TMEM158: variants seen among roughly 807,000 people sequenced by gnomAD.
TMEM158 encodes the protein transmembrane protein 158.
TMEM158 carries 7 observed loss-of-function variants against 12.0 expected under a neutral mutation model. The observed-to-expected ratio is 0.59, with a 90% CI of 0.33 to 1.10. The LOEUF is 1.10. TMEM158 is among the 50% of genes least tolerant of loss of function. The pLI is 0.03. For synonymous variants in TMEM158, 209 were observed against 231.1 expected, an observed-to-expected ratio of 0.90 and a Z score of 0.87; for missense variants, 405 against 454.7, an observed-to-expected ratio of 0.89 and a Z score of 0.99.
At position 45,225,613 on chromosome 3, in the gene TMEM158, C is replaced by G; in HGVS notation, c.415G>C (p.Asp139His). 1 of 1,375,274 alleles carries G rather than the reference C, an allele frequency of 7.3e-7. No individual in the cohort carries two copies. Among genetic ancestry groups the G allele is most frequent in the Non-Finnish European group, 9.4e-7 (1 of 1,060,098 alleles). The allele number at this position is 1,375,274 out of a possible 1,614,324, so 85.2% of individuals were successfully genotyped here. Residue 139 changes from aspartate to histidine, a missense_variant, in exon 1 of 1, where the codon GAC (aspartate) becomes CAC (histidine). Physicochemically the swap from Asp to His is moderately conservative, Grantham distance 81. Coordinates refer to ENST00000503771, the MANE Select transcript of TMEM158 (RefSeq NM_015444.3). The surrounding 1 kb of genome is among the most constrained non-coding windows in gnomAD (Gnocchi z 5.7). ...LGLAAGGAQQ[D>H]LRLCVGCGWV... ...CCGCAGCCCACGCAGAGGCGCAGGTCCTGCTGCGCGCCGCCCGCCGCCAGC... is the reference window on the plus strand; with the variant it reads ...CCGCAGCCCACGCAGAGGCGCAGGTGCTGCTGCGCGCCGCCCGCCGCCAGC...
chr3:45,225,744 C>A lies in TMEM158; in HGVS notation c.284G>T (p.Gly95Val). 1 of 1,449,450 alleles carries A rather than the reference C, an allele frequency of 6.9e-7. No homozygotes were observed. The allele number at this position is 1,449,450 out of a possible 1,614,324, so 89.8% of individuals were successfully genotyped here. ...GAAGAGCAGTAGGTCGCACTGGAAG[C>A]CCCGCGGGCGGCCCCAGCGCACGAG... ...SLLVRWGRPR[G>V]FQCDLLLFST... The change falls in exon 1 of 1, where the codon GGC (glycine) becomes GTC (valine). Residue 95 changes from glycine (G) to valine (V), a missense_variant. Physicochemically the swap from Gly to Val is moderately radical, Grantham distance 109 (BLOSUM62 -3). Coordinates refer to ENST00000503771, the MANE Select transcript of TMEM158 (RefSeq NM_015444.3). This position sits in a 1 kb window ranked among gnomAD's most constrained non-coding sequence, Gnocchi z 5.7.
chr3:45,224,879 A>C lies in TMEM158; in HGVS notation c.*246T>G. ...GATGCAATAGAGGGGAAAGGGCCCC[A>C]TTTCCCTCCTCTCCGTCTTCGGAGC... On this transcript the variant is annotated 3_prime_UTR_variant, in exon 1 of 1. Coordinates refer to ENST00000503771, the MANE Select transcript of TMEM158 (RefSeq NM_015444.3). The C allele has an allele frequency of 1.8e-6, 1 of 551,634 alleles. No individual in the cohort carries two copies. The highest frequency in any genetic ancestry group is 2.6e-6 in the Non-Finnish European group (1 of 384,382). 34.2% of individuals were successfully genotyped at this position (551,634 alleles called of 1,614,324 possible).
Position 45,226,207 on chromosome 3 carries a change from C to T in TMEM158, c.-180G>A. The stretch of plus-strand genomic sequence containing the variant: ...GGCGGTGACGGCGGCTGGCTCGGCG[C>T]GGGGATCCCTCCAGACCCGGTTGCG... On this transcript the variant is annotated 5_prime_UTR_variant, in exon 1 of 1. Transcript: ENST00000503771. 4 of 813,126 alleles carry T rather than the reference C, an allele frequency of 4.9e-6. No individual in the cohort carries two copies. Among genetic ancestry groups the T allele is most frequent in the Non-Finnish European group, 5.9e-6 (4 of 674,122 alleles). The allele number at this position is 813,126 out of a possible 1,614,324, so 50.4% of individuals were successfully genotyped here.
In TMEM158 at chr3:45,225,637, GC is replaced by G; in HGVS notation, c.390del (p.Leu131TrpfsTer70). 1.4e-6 allele frequency: 2 copies of G among 1,421,112 alleles called. No homozygotes were observed. Among genetic ancestry groups the G allele is most frequent in the Admixed American group, 2.6e-5 (1 of 39,184 alleles). The allele number at this position is 1,421,112 out of a possible 1,614,324, so 88.0% of individuals were successfully genotyped here. ...VGPPLLIEHL[G>X]LAAGGAQQDL... ...TCCTGCTGCGCGCCGCCCGCCGCCA[GC>G]CCCAGGTGCTCGATGAGCAGCGGCG... On this transcript the variant is annotated frameshift_variant, in exon 1 of 1. Coordinates refer to ENST00000503771, the MANE Select transcript of TMEM158 (RefSeq NM_015444.3). LOFTEE classifies it high-confidence loss of function. The surrounding 1 kb of genome is among the most constrained non-coding windows in gnomAD (Gnocchi z 5.7).
chr3:45,224,861 T>C lies in TMEM158; in HGVS notation c.*264A>G. ...GAAGGAGTCGGGCAGGGGGATGCAA[T>C]AGAGGGGAAAGGGCCCCATTTCCCT... On this transcript the variant is annotated 3_prime_UTR_variant, in exon 1 of 1. Coordinates refer to ENST00000503771, the MANE Select transcript of TMEM158 (RefSeq NM_015444.3). 1 of 433,282 alleles carries C rather than the reference T, an allele frequency of 2.3e-6. No homozygotes were observed. Among genetic ancestry groups the C allele is most frequent in the Non-Finnish European group, 3.6e-6 (1 of 280,006 alleles). The allele number at this position is 433,282 out of a possible 1,614,324, so 26.8% of individuals were successfully genotyped here. A position where few individuals can be genotyped will look rare whatever the true frequency, so the allele number is the denominator to read the frequency against.
chr3:45,225,766 C>T lies in TMEM158; in HGVS notation c.262G>A (p.Val88Met), dbSNP rs1340157303. ...AAGCCCCGCGGGCGGCCCCAGCGCACGAGCAGCGAGCTCAGCATCTGCCGC... is the reference window on the plus strand; with the variant it reads ...AAGCCCCGCGGGCGGCCCCAGCGCATGAGCAGCGAGCTCAGCATCTGCCGC... ...VQRQMLSSLLVRWGRPRGFQC... is the reference protein window; with the variant it reads ...VQRQMLSSLLMRWGRPRGFQC... The change falls in exon 1 of 1, where the codon GTG becomes ATG. Residue 88 changes from valine to methionine, a missense_variant. By Grantham distance (21) the Val-to-Met change is conservative (BLOSUM62 1). Transcript: ENST00000503771. This position sits in a 1 kb window ranked among gnomAD's most constrained non-coding sequence, Gnocchi z 5.7. The T allele has an allele frequency of 1.4e-6, 2 of 1,426,036 alleles. No individual in the cohort carries two copies. Among genetic ancestry groups the T allele is most frequent in the Non-Finnish European group, 1.8e-6 (2 of 1,084,328 alleles). The allele number at this position is 1,426,036 out of a possible 1,614,324, so 88.3% of individuals were successfully genotyped here. A position where few individuals can be genotyped will look rare whatever the true frequency, so the allele number is the denominator to read the frequency against.
rs1576163476 is a variant in TMEM158 at position 45,225,193 on chromosome 3, C to T, written c.835G>A (p.Ala279Thr). 7.9e-7 allele frequency: 1 copy of T among 1,271,006 alleles called. No homozygotes were observed. 78.7% of individuals were successfully genotyped at this position (1,271,006 alleles called of 1,614,324 possible). ...GCAGCGGCGGCGGCGGCGGCGGCTG[C>T]GGTGGTCCCTGCGGGCACTGCGGCG... is the stretch of plus-strand genomic sequence containing the variant. ...TPAAVPAGTT[A>T]AAAAAAAAAA... Residue 279 changes from alanine to threonine, a missense_variant, in exon 1 of 1, where the codon GCA becomes ACA. Ala to Thr is a moderately conservative substitution (Grantham distance 58). Transcript: ENST00000503771. This position sits in a 1 kb window ranked among gnomAD's most constrained non-coding sequence, Gnocchi z 5.7.
chr3:45,225,926 A>T lies in TMEM158; in HGVS notation c.102T>A (p.Asn34Lys). 1 of 1,145,612 alleles carries T rather than the reference A, an allele frequency of 8.7e-7. No homozygotes were observed. Among genetic ancestry groups the T allele is most frequent in the Non-Finnish European group, 1.1e-6 (1 of 937,438 alleles). The allele number at this position is 1,145,612 out of a possible 1,614,324, so 71.0% of individuals were successfully genotyped here. A position where few individuals can be genotyped will look rare whatever the true frequency, so the allele number is the denominator to read the frequency against. Residue 34 changes from asparagine to lysine, a missense_variant, in exon 1 of 1, where the codon AAT (asparagine) becomes AAA (lysine). By Grantham distance (94) the Asn-to-Lys change is moderately conservative (BLOSUM62 0). Coordinates refer to ENST00000503771, the MANE Select transcript of TMEM158 (RefSeq NM_015444.3). The surrounding 1 kb of genome is among the most constrained non-coding windows in gnomAD (Gnocchi z 5.7). The part of the protein sequence containing the change: ...DAPGLLGVPS[N>K]ASVNASSADE... ...CCGCGGAGGACGCGTTGACTGAAGC[A>T]TTGGAGGGCACCCCGAGGAGGCCGG... is the stretch of plus-strand genomic sequence containing the variant.
rs1163693902 is a variant in TMEM158, at chr3:45,226,064, G to A, written c.-37C>T. 1.2e-5 allele frequency: 12 copies of A among 984,478 alleles called. No homozygotes were observed. The South Asian group carries it at 5.0e-4, about 41-fold the overall frequency. The allele number at this position is 984,478 out of a possible 1,614,324, so 61.0% of individuals were successfully genotyped here. A position where few individuals can be genotyped will look rare whatever the true frequency, so the allele number is the denominator to read the frequency against. The stretch of plus-strand genomic sequence containing the variant: ...GGCGCCTACGCGCGCGAGGCCGGCG[G>A]CGGTTGCATGGCGAGCGGGCGACGG... On this transcript the variant is annotated 5_prime_UTR_variant, in exon 1 of 1. Transcript: ENST00000503771.
Position 45,225,255 on chromosome 3 carries a change from T to A in TMEM158, c.773A>T (p.Gln258Leu). 7.1e-7 allele frequency: 1 copy of A among 1,400,986 alleles called. No individual in the cohort carries two copies. 86.8% of individuals were successfully genotyped at this position (1,400,986 alleles called of 1,614,324 possible). The change falls in exon 1 of 1, where the codon CAG becomes CTG. Residue 258 changes from glutamine (Q) to leucine (L), a missense_variant. By Grantham distance (113) the Gln-to-Leu change is moderately radical. Transcript: ENST00000503771. This position sits in a 1 kb window ranked among gnomAD's most constrained non-coding sequence, Gnocchi z 5.7. ...IAGFLPNGME[Q>L]RRTTASTTAA... The stretch of plus-strand genomic sequence containing the variant: ...GGTGGTGCTGGCGGTGGTCCGGCGC[T>A]GTTCCATGCCGTTGGGCAGGAAGCC...
At position 45,225,887 on chromosome 3, in the gene TMEM158, G is replaced by A. The variant is rs1700154869; in HGVS notation, c.141C>T (p.Ala47=). The A allele has an allele frequency of 4.1e-6, 5 of 1,208,650 alleles. No homozygotes were observed. In the East Asian group the frequency reaches 1.4e-4, roughly 34 times the overall value. 74.9% of individuals were successfully genotyped at this position (1,208,650 alleles called of 1,614,324 possible). ...GGGCCGCCGAGGCCAGCAGCCGCGG[G>A]GCGATGGGCTCGTCCGCGGAGGACG... is the stretch of plus-strand genomic sequence containing the variant. The part of the protein sequence containing the change: ...VNASSADEPI[A]PRLLASAAPG... Residue 47 remains alanine, a synonymous_variant, in exon 1 of 1, where the codon GCC becomes GCT. Coordinates refer to ENST00000503771, the MANE Select transcript of TMEM158 (RefSeq NM_015444.3). The surrounding 1 kb of genome is among the most constrained non-coding windows in gnomAD (Gnocchi z 5.7).
rs1262015487 is a variant in TMEM158 at position 45,224,919 on chromosome 3, C to G, written c.*206G>C. On this transcript the variant is annotated 3_prime_UTR_variant, in exon 1 of 1. Coordinates refer to ENST00000503771, the MANE Select transcript of TMEM158 (RefSeq NM_015444.3). ...GTCTTCGGAGCTGCGATCCCACCCT[C>G]AGTCCAAGGGCTTAAACATCTGCTT... 7 of 867,010 alleles carry G rather than the reference C, an allele frequency of 8.1e-6. No homozygotes were observed. The highest frequency in any genetic ancestry group is 1.0e-5 in the Non-Finnish European group (7 of 668,070). The allele number at this position is 867,010 out of a possible 1,614,324, so 53.7% of individuals were successfully genotyped here.
In TMEM158 at chr3:45,225,948, CCGGGCGCGTCCGCGGCCCCGCCGCGGA is replaced by C. The variant is rs1326946545; in HGVS notation, c.53_79del (p.Val18_Pro26del). ...AGCATTGGAGGGCACCCCGAGGAGG[CCGGGCGCGTCCGCGGCCCCGCCGCGGA>C]CGGGCGGCAGCGGGCAGGCGGCGGC... On this transcript the variant is annotated inframe_deletion, in exon 1 of 1. Coordinates refer to ENST00000503771, the MANE Select transcript of TMEM158 (RefSeq NM_015444.3). The surrounding 1 kb of genome is among the most constrained non-coding windows in gnomAD (Gnocchi z 5.7). The C allele has an allele frequency of 9.2e-5, 105 of 1,146,096 alleles. No homozygotes were observed. The highest frequency in any genetic ancestry group is 3.0e-4 in the South Asian group (7 of 23,608). 71.0% of individuals were successfully genotyped at this position (1,146,096 alleles called of 1,614,324 possible). A position where few individuals can be genotyped will look rare whatever the true frequency, so the allele number is the denominator to read the frequency against.
In TMEM158 at chr3:45,225,756, C is replaced by A. The variant is rs1467969018; in HGVS notation, c.272G>T (p.Gly91Val). ...GTCGCACTGGAAGCCCCGCGGGCGG[C>A]CCCAGCGCACGAGCAGCGAGCTCAG... is the stretch of plus-strand genomic sequence containing the variant. ...QMLSSLLVRW[G>V]RPRGFQCDLL... The change falls in exon 1 of 1, where the codon GGC becomes GTC. Residue 91 changes from glycine to valine, a missense_variant. By Grantham distance (109) the Gly-to-Val change is moderately radical. Coordinates refer to ENST00000503771, the MANE Select transcript of TMEM158 (RefSeq NM_015444.3). This position sits in a 1 kb window ranked among gnomAD's most constrained non-coding sequence, Gnocchi z 5.7. The A allele has an allele frequency of 1.3e-5, 18 of 1,433,536 alleles. No individual in the cohort carries two copies. In the South Asian group the frequency reaches 2.1e-4, roughly 17 times the overall value. The allele number at this position is 1,433,536 out of a possible 1,614,324, so 88.8% of individuals were successfully genotyped here.
Position 45,224,775 on chromosome 3 carries a change from T to G in TMEM158, c.*350A>C, listed in dbSNP as rs554159387. ...TCATTTAAAACAGTTATTAAATATATAAAACAAATACACAGGATTTGGTCA... is the reference window on the plus strand; with the variant it reads ...TCATTTAAAACAGTTATTAAATATAGAAAACAAATACACAGGATTTGGTCA... On this transcript the variant is annotated 3_prime_UTR_variant, in exon 1 of 1. Transcript: ENST00000503771. 8 of 210,184 alleles carry G rather than the reference T, an allele frequency of 3.8e-5. No homozygotes were observed. The South Asian group carries it at 1.5e-3, about 39-fold the overall frequency. The allele number at this position is 210,184 out of a possible 1,614,324, so 13.0% of individuals were successfully genotyped here. A position where few individuals can be genotyped will look rare whatever the true frequency, so the allele number is the denominator to read the frequency against.
chr3:45,225,009 A>T lies in TMEM158; in HGVS notation c.*116T>A. The T allele has an allele frequency of 8.4e-7, 1 of 1,193,234 alleles. No homozygotes were observed. The highest frequency in any genetic ancestry group is 1.0e-6 in the Non-Finnish European group (1 of 963,034). The allele number at this position is 1,193,234 out of a possible 1,614,324, so 73.9% of individuals were successfully genotyped here. On this transcript the variant is annotated 3_prime_UTR_variant, in exon 1 of 1. Coordinates refer to ENST00000503771, the MANE Select transcript of TMEM158 (RefSeq NM_015444.3). The surrounding 1 kb of genome is among the most constrained non-coding windows in gnomAD (Gnocchi z 5.7). The stretch of plus-strand genomic sequence containing the variant: ...GGCGCTGGGGTCTCTCGGCGGCCCC[A>T]TCTCGGGAAGAGGAACTAACGATAA...
Position 45,225,253 on chromosome 3 carries a change from G to A in TMEM158, c.775C>T (p.Arg259Cys), listed in dbSNP as rs1283490998. Reference protein sequence around the residue: ...AGFLPNGMEQRRTTASTTAAT... With the variant: ...AGFLPNGMEQCRTTASTTAAT... ...GCGGTGGTGCTGGCGGTGGTCCGGCGCTGTTCCATGCCGTTGGGCAGGAAG... is the reference window on the plus strand; with the variant it reads ...GCGGTGGTGCTGGCGGTGGTCCGGCACTGTTCCATGCCGTTGGGCAGGAAG... The change falls in exon 1 of 1, where the codon CGC (arginine) becomes TGC (cysteine). Residue 259 changes from arginine to cysteine, a missense_variant. Arg to Cys is a radical substitution (Grantham distance 180). Transcript: ENST00000503771. The surrounding 1 kb of genome is among the most constrained non-coding windows in gnomAD (Gnocchi z 5.7). 2 of 1,397,470 alleles carry A rather than the reference G, an allele frequency of 1.4e-6. No individual in the cohort carries two copies. Among genetic ancestry groups the A allele is most frequent in the African/African-American group, 1.5e-5 (1 of 67,558 alleles). The allele number at this position is 1,397,470 out of a possible 1,614,324, so 86.6% of individuals were successfully genotyped here. A position where few individuals can be genotyped will look rare whatever the true frequency, so the allele number is the denominator to read the frequency against.
chr3:45,225,269 G>A lies in TMEM158; in HGVS notation c.759C>T (p.Pro253=). The A allele has an allele frequency of 7.0e-7, 1 of 1,426,440 alleles. No homozygotes were observed. The highest frequency in any genetic ancestry group is 9.3e-7 in the Non-Finnish European group (1 of 1,076,550). 88.4% of individuals were successfully genotyped at this position (1,426,440 alleles called of 1,614,324 possible). Residue 253 remains proline (P), a synonymous_variant, in exon 1 of 1, where the codon CCC becomes CCT. Coordinates refer to ENST00000503771, the MANE Select transcript of TMEM158 (RefSeq NM_015444.3). The surrounding 1 kb of genome is among the most constrained non-coding windows in gnomAD (Gnocchi z 5.7). ...TGGTCCGGCGCTGTTCCATGCCGTT[G>A]GGCAGGAAGCCGGCGATGATGGGCA... ...WPVPIIAGFL[P]NGMEQRRTTA...
At position 45,225,589 on chromosome 3, in the gene TMEM158, C is replaced by G. The variant is rs1453220736; in HGVS notation, c.439G>C (p.Gly147Arg). 2 of 1,213,058 alleles carry G rather than the reference C, an allele frequency of 1.6e-6. No individual in the cohort carries two copies. Among genetic ancestry groups the G allele is most frequent in the South Asian group, 2.6e-5 (1 of 39,026 alleles). 75.1% of individuals were successfully genotyped at this position (1,213,058 alleles called of 1,614,324 possible). A position where few individuals can be genotyped will look rare whatever the true frequency, so the allele number is the denominator to read the frequency against. ...QQDLRLCVGCGWVRGRRTGRL... is the reference protein window; with the variant it reads ...QQDLRLCVGCRWVRGRRTGRL... ...CCGGTGCGGCGACCGCGCACCCAGCCGCAGCCCACGCAGAGGCGCAGGTCC... is the reference window on the plus strand; with the variant it reads ...CCGGTGCGGCGACCGCGCACCCAGCGGCAGCCCACGCAGAGGCGCAGGTCC... The change falls in exon 1 of 1, where the codon GGC becomes CGC. Residue 147 changes from glycine to arginine, a missense_variant. Coordinates refer to ENST00000503771, the MANE Select transcript of TMEM158 (RefSeq NM_015444.3). The surrounding 1 kb of genome is among the most constrained non-coding windows in gnomAD (Gnocchi z 5.7).
Sources: allele counts gnomAD v4.1 joint callset, GRCh38; gene constraint gnomAD v4.1.1; non-coding constraint Gnocchi (gnomAD v3.1); transcripts MANE v1.5; gene names NCBI Gene and HGNC (gene_info 2026-07-23, HGNC 2026-07-21).